Variants in KCNIP4 observed in about 807,000 individuals in gnomAD.
The protein encoded by KCNIP4 is potassium voltage-gated channel interacting protein 4.
A neutral mutation model predicts 34.0 loss-of-function variants in KCNIP4; 12 were observed. The observed-to-expected ratio is 0.35, with a 90% confidence interval of 0.23 to 0.57. The LOEUF is 0.57. Among genes scored for constraint, KCNIP4 ranks in the 20% least tolerant of loss-of-function variants. The pLI, the probability that KCNIP4 is intolerant of heterozygous loss-of-function variation, is 0.83. For missense variants in KCNIP4, 238 were observed against 311.7 expected (o/e 0.76, Z 1.78); for synonymous variants, 124 against 102.2 (o/e 1.21, Z -1.29).
intron 1 of KCNIP4, among the ~76,000 whole-genome samples, chr4:21,911,779 C>T (rs370099170): frequency 3.3e-5 from 5 of 151,892 alleles, no homozygotes; most frequent in Non-Finnish European, 5.9e-5. Context: ...TTCATGGATC[C>T]TAATTCAGGC....
chr4:21,717,209 G>A (rs912209400), intron 1 of KCNIP4, among the ~76,000 whole-genome samples: 4 of 152,114 alleles, frequency 2.6e-5, no homozygotes, highest in African/African-American at 4.8e-5. Context: ...TTCTCCCACT[G>A]TAGCAATAAA....
At chr4:21,646,319 T>C (rs1747016209) in intron 1 of KCNIP4, among the ~76,000 whole-genome samples, 1 of 152,192 alleles carries the variant, frequency 6.6e-6, no homozygotes, top group Admixed American at 6.5e-5. Context: ...CAAATGTCTT[T>C]CTTGCTATCC....
chr4:21,132,059 G>A (rs1265985703), intron 1 of KCNIP4, among the ~76,000 whole-genome samples: 1 of 152,124 alleles, frequency 6.6e-6, no homozygotes, highest in Non-Finnish European at 1.5e-5. Flanking sequence ...TTATTGTGCT[G>A]TCCTGACAGA....
chr4:20,903,518 A>G (rs139288933), intron 1 of KCNIP4, among the ~76,000 whole-genome samples: 105 of 152,232 alleles, frequency 6.9e-4, no homozygotes, highest in African/African-American at 2.4e-3. Context: ...TTTCCTTTCT[A>G]TTGATCTCAG....
At chr4:21,242,200 T>C (rs141601929) in intron 1 of KCNIP4, among the ~76,000 whole-genome samples, 1 of 151,008 alleles carries the variant, frequency 6.6e-6, no homozygotes, top group East Asian at 2.0e-4. Flanking sequence ...TGTCTTCTTA[T>C]GTTCCTTAAC....
chr4:21,420,324 G>A (rs1226082755), intron 1 of KCNIP4, among the ~76,000 whole-genome samples: 3 of 152,122 alleles, frequency 2.0e-5, no homozygotes, highest in Non-Finnish European at 2.9e-5. Flanking sequence ...GTACTTCACT[G>A]CAATCTAGGC....
At chr4:20,849,539 G>A (rs1293550561) in intron 3 of KCNIP4, among the ~76,000 whole-genome samples, 1 of 152,182 alleles carries the variant, frequency 6.6e-6, no homozygotes, top group Non-Finnish European at 1.5e-5. Context: ...AAAGGCAGCA[G>A]TTGTGGTGGT....
intron 1 of KCNIP4, among the ~76,000 whole-genome samples, chr4:21,242,787 C>T (rs576468841): frequency 6.6e-6 from 1 of 152,172 alleles, no homozygotes; most frequent in South Asian, 2.1e-4. Context: ...CTCCAGCTTG[C>T]AGACTGCAAA....
At chr4:21,444,087 T>A (rs1727740854) in intron 1 of KCNIP4, among the ~76,000 whole-genome samples, 1 of 152,082 alleles carries the variant, frequency 6.6e-6, no homozygotes, top group African/African-American at 2.4e-5. Flanking sequence ...AGAAGTTGAA[T>A]CTCTGAATAG....
At position 21,338,798 on chromosome 4, in the gene KCNIP4, T is replaced by TAACAC. The variant is rs544129463; in HGVS notation, c.62-456094_62-456090dup. 2.6e-5 allele frequency among the ~76,000 whole-genome samples: 4 copies of TAACAC among 152,166 alleles called. No individual in the cohort carries two copies. The East Asian group carries it at 7.7e-4, about 29-fold the overall frequency. On this transcript the variant is annotated intron_variant, in intron 1 of 8. Transcript: ENST00000382152. The stretch of plus-strand genomic sequence containing the variant: ...GGCCCAGATCAAATACCACATCTAC[T>TAACAC]AACACCCTTCTCTGATTCTGCCACT...
intron 1 of KCNIP4, among the ~76,000 whole-genome samples, chr4:21,026,098 T>A (rs571634760): frequency 6.6e-6 from 1 of 152,294 alleles, no homozygotes; most frequent in East Asian, 1.9e-4. Flanking sequence ...TAACCCATAA[T>A]GAGGCAACTT....
chr4:21,750,319 A>C (rs1333281358), intron 1 of KCNIP4, among the ~76,000 whole-genome samples: 1 of 152,192 alleles, frequency 6.6e-6, no homozygotes, highest in Non-Finnish European at 1.5e-5. Context: ...TGCTTCCTTA[A>C]AGTGAAAAGG....
At chr4:21,892,791 G>A (rs1446661069) in intron 1 of KCNIP4, among the ~76,000 whole-genome samples, 1 of 152,042 alleles carries the variant, frequency 6.6e-6, no homozygotes, top group Non-Finnish European at 1.5e-5. Flanking sequence ...CTCTTGCTGT[G>A]ATTAAGATTC....
chr4:21,570,942 C>T (rs919947026), intron 1 of KCNIP4, among the ~76,000 whole-genome samples: 10 of 152,052 alleles, frequency 6.6e-5, no homozygotes, highest in African/African-American at 2.4e-4. Flanking sequence ...CATATTGGTT[C>T]GACGTGGTTG....
intron 1 of KCNIP4, among the ~76,000 whole-genome samples, chr4:21,736,725 A>G (rs10021133): frequency 0.23 from 35,326 of 152,102 alleles, 6,758 homozygotes; most frequent in African/African-American, 0.53. Context: ...TGACAGCAAG[A>G]ATCCTATGAC....
rs1031525189 is a variant in KCNIP4, at chr4:21,156,518, T to C, written c.62-273809A>G. Among the ~76,000 whole-genome samples, 4 of 152,238 alleles carry C rather than the reference T, an allele frequency of 2.6e-5. No individual in the cohort carries two copies. In the East Asian group the frequency reaches 5.8e-4, roughly 22 times the overall value. On this transcript the variant is annotated intron_variant, in intron 1 of 8. Coordinates refer to ENST00000382152, the MANE Select transcript of KCNIP4 (RefSeq NM_025221.6). Reference sequence around the variant, plus strand: ...ACCTAACACATGTAAAACTGTGACATACATGAGAAATATACATTAATTCCC... The same window carrying C: ...ACCTAACACATGTAAAACTGTGACACACATGAGAAATATACATTAATTCCC...
chr4:21,386,383 G>C (rs909190661), intron 1 of KCNIP4, among the ~76,000 whole-genome samples: 3 of 151,924 alleles, frequency 2.0e-5, no homozygotes, highest in East Asian at 1.9e-4. Flanking sequence ...TTTGACCACT[G>C]TTTATATTCC....
At chr4:21,241,964 C>T (rs1759847140) in intron 1 of KCNIP4, among the ~76,000 whole-genome samples, 1 of 151,810 alleles carries the variant, frequency 6.6e-6, no homozygotes, top group African/African-American at 2.4e-5. Flanking sequence ...GAGATTGAGA[C>T]CATCCTGGCT....
intron 1 of KCNIP4, among the ~76,000 whole-genome samples, chr4:21,272,559 C>A (rs1261360958): frequency 6.6e-6 from 1 of 152,094 alleles, no homozygotes; most frequent in Non-Finnish European, 1.5e-5. Flanking sequence ...TATGAATTTC[C>A]TTTTCCAGTC....
Sources: gnomAD v4.1 joint callset for allele counts (sites outside exome capture counted in the v4.1 genomes callset) on GRCh38, gnomAD v4.1.1 for gene constraint, MANE v1.5 for transcripts, NCBI Gene and HGNC (gene_info 2026-07-23, HGNC 2026-07-21) for gene names.